HEATR5B: variants seen among roughly 807,000 people sequenced by gnomAD.
The protein encoded by HEATR5B is HEAT repeat containing 5B.
A neutral mutation model predicts 224.1 loss-of-function variants in HEATR5B; 156 were observed. The observed-to-expected ratio is 0.70, with a 90% CI of 0.61 to 0.80. HEATR5B has a LOEUF of 0.80. Among genes scored for constraint, HEATR5B ranks in the 30% least tolerant of loss-of-function variants. The probability of loss-of-function intolerance (pLI) is 0.00; values close to 1 mark genes in which losing one functional copy is unlikely to be tolerated. For synonymous variants in HEATR5B, 1,027 were observed against 893.0 expected (o/e 1.15, Z -2.68); for missense variants, 2,323 against 2,535.5 (o/e 0.92, Z 1.80).
chr2:37,015,358 C>T (rs1246271371), intron 26 of HEATR5B, among the ~76,000 whole-genome samples: 1 of 152,036 alleles, frequency 6.6e-6, no homozygotes. Context: ...TCCAGTACTT[C>T]TGTATAAGAA....
intron 24 of HEATR5B, among the ~76,000 whole-genome samples, chr2:37,022,709 T>C (rs896251985): frequency 2.0e-5 from 3 of 152,198 alleles, no homozygotes; most frequent in East Asian, 1.9e-4. Context: ...TAATAAGATA[T>C]GGAAAAGGGA....
chr2:37,078,450 A>G (rs957894155), intron 3 of HEATR5B, among the ~76,000 whole-genome samples: 2 of 152,238 alleles, frequency 1.3e-5, no homozygotes, highest in African/African-American at 4.8e-5. Context: ...AACCAGAACT[A>G]TAAAATTATG....
At chr2:37,047,122 C>T (rs534212816) in intron 18 of HEATR5B, among the ~76,000 whole-genome samples, 1 of 148,118 alleles carries the variant, frequency 6.8e-6, no homozygotes, top group Non-Finnish European at 1.5e-5. Context: ...GGTGAGAGGG[C>T]TGCTTTAGCC....
intron 18 of HEATR5B, among the ~76,000 whole-genome samples, chr2:37,046,639 CAAA>C (rs531117028): frequency 1.0e-4 from 9 of 90,294 alleles, no homozygotes; most frequent in African/African-American, 2.4e-4. Flanking sequence ...AACTCTGTCT[CAAA>C]AAAAAAAAAA....
At chr2:37,056,732 G>A in intron 15 of HEATR5B, 117 bp from the exon 16 acceptor site, 1 of 812,890 alleles carries the variant, frequency 1.2e-6, no homozygotes, top group Non-Finnish European at 1.8e-6. Flanking sequence ...AAAAAAGAAT[G>A]ATTGGATCCG....
chr2:36,992,222 CAAAAG>C (rs1213023494), intron 33 of HEATR5B, among the ~76,000 whole-genome samples: 6 of 151,296 alleles, frequency 4.0e-5, no homozygotes, highest in African/African-American at 1.5e-4. Flanking sequence ...AAAAAACAAA[CAAAAG>C]AGATGTAAAA....
intron 18 of HEATR5B, among the ~76,000 whole-genome samples, chr2:37,045,738 T>G (rs2148511293): frequency 6.6e-6 from 1 of 152,276 alleles, no homozygotes; most frequent in East Asian, 1.9e-4. Context: ...CTCCCCAAAT[T>G]GCAAATGCTC....
At chr2:37,000,554 A>C in intron 33 of HEATR5B, 32 bp downstream of exon 33, 1 of 1,561,850 alleles carries the variant, frequency 6.4e-7, no homozygotes, top group Non-Finnish European at 8.8e-7. Context: ...ACATATCCTA[A>C]CTAACTAAAA....
In HEATR5B at chr2:37,058,892, ACAT is replaced by A; in HGVS notation, c.1942_1944del (p.Met648del). 6.3e-7 allele frequency: 1 copy of A among 1,579,130 alleles called. No homozygotes were observed. Among genetic ancestry groups the A allele is most frequent in the Non-Finnish European group, 8.7e-7 (1 of 1,150,826 alleles). On this transcript the variant is annotated inframe_deletion, in exon 13 of 36. Coordinates refer to ENST00000233099, the MANE Select transcript of HEATR5B (RefSeq NM_019024.3). The stretch of plus-strand genomic sequence containing the variant: ...TTGTCTCAATCGCTTACTTACTGTG[ACAT>A]CATAGTCATGGCACATTCAATAGGG...
intron 34 of HEATR5B, among the ~76,000 whole-genome samples, chr2:36,990,105 C>G (rs944578906): frequency 6.6e-6 from 1 of 151,820 alleles, no homozygotes; most frequent in Admixed American, 6.6e-5. Flanking sequence ...GGTTTCACTA[C>G]AGGCTGGTCT....
chr2:37,072,336 T>C lies in HEATR5B; in HGVS notation c.598-55A>G, dbSNP rs149697797. 7.8e-5 allele frequency: 102 copies of C among 1,301,186 alleles called. 1 individual carries two copies. In the East Asian group the frequency reaches 2.2e-3, roughly 28 times the overall value. The allele number at this position is 1,301,186 out of a possible 1,614,324, so 80.6% of individuals were successfully genotyped here. ...ATCCTATAACATCTGCTTCCAGAGA[T>C]GGAATAGCAAGAACCAGACTTACCA... On this transcript the variant is annotated intron_variant, in intron 5 of 35. Transcript: ENST00000233099.
At chr2:37,020,384 A>G (rs958309051) in intron 25 of HEATR5B, among the ~76,000 whole-genome samples, 1 of 152,222 alleles carries the variant, frequency 6.6e-6, no homozygotes, top group African/African-American at 2.4e-5. Context: ...CTAAATATCT[A>G]AACACAAGAC....
At chr2:37,038,908 G>T (rs1007047192) in intron 20 of HEATR5B, among the ~76,000 whole-genome samples, 2 of 117,464 alleles carry the variant, frequency 1.7e-5, no homozygotes, top group Non-Finnish European at 3.6e-5. Context: ...TCCCTGGGGT[G>T]GGGGGGGTGG....
In HEATR5B at chr2:37,027,946, G is replaced by A; in HGVS notation, c.3830C>T (p.Ser1277Phe). 2 of 1,614,072 alleles carry A rather than the reference G, an allele frequency of 1.2e-6. No individual in the cohort carries two copies. Among genetic ancestry groups the A allele is most frequent in the Non-Finnish European group, 1.7e-6 (2 of 1,179,910 alleles). Reference sequence around the variant, plus strand: ...ACTTGTAGGGTTTCGAAGTTTAGCAGAACGTGCCAAGGCAAGATCAAAGTG... The same window carrying A: ...ACTTGTAGGGTTTCGAAGTTTAGCAAAACGTGCCAAGGCAAGATCAAAGTG... ...QAHFDLALAR[S>F]AKLRNPTNDL... Residue 1277 changes from serine to phenylalanine, a missense_variant, in exon 24 of 36, where the codon TCT (serine) becomes TTT (phenylalanine). Coordinates refer to ENST00000233099, the MANE Select transcript of HEATR5B (RefSeq NM_019024.3).
At chr2:37,076,529 T>C (rs997138089) in intron 4 of HEATR5B, among the ~76,000 whole-genome samples, 1 of 152,152 alleles carries the variant, frequency 6.6e-6, no homozygotes, top group Admixed American at 6.6e-5. Context: ...GCTGACACTT[T>C]ATCGCAGACC....
chr2:36,985,363 T>C (rs563101193), intron 35 of HEATR5B, among the ~76,000 whole-genome samples: 2 of 152,046 alleles, frequency 1.3e-5, no homozygotes, highest in East Asian at 1.9e-4. Flanking sequence ...TTATTCTACC[T>C]CTTAAAAGTC....
chr2:37,048,410 C>T (rs1670335622), intron 18 of HEATR5B, among the ~76,000 whole-genome samples: 1 of 152,048 alleles, frequency 6.6e-6, no homozygotes, highest in African/African-American at 2.4e-5. Flanking sequence ...ATCCAGAATT[C>T]TTGGGCTCAA....
In HEATR5B at chr2:37,019,707, T is replaced by C. The variant is rs1047684526; in HGVS notation, c.4104+102A>G. 10 of 749,592 alleles carry C rather than the reference T, an allele frequency of 1.3e-5. No individual in the cohort carries two copies. The East Asian group carries it at 2.6e-4, about 19-fold the overall frequency. 46.4% of individuals were successfully genotyped at this position (749,592 alleles called of 1,614,324 possible). On this transcript the variant is annotated intron_variant, in intron 26 of 35. Coordinates refer to ENST00000233099, the MANE Select transcript of HEATR5B (RefSeq NM_019024.3). ...CCTGAATTCAAGCGATCCTCCCATG[T>C]TGGTCTCCCAAATTTTTCTCTATTC...
chr2:37,041,801 G>A (rs544083798), intron 18 of HEATR5B, among the ~76,000 whole-genome samples: 4 of 150,952 alleles, frequency 2.6e-5, no homozygotes, highest in African/African-American at 9.7e-5. Flanking sequence ...ATATTTGACT[G>A]AATAAAGCCT....
Sources: gnomAD v4.1 joint callset for allele counts (sites outside exome capture counted in the v4.1 genomes callset) on GRCh38, gnomAD v4.1.1 for gene constraint, MANE v1.5 for transcripts, NCBI Gene and HGNC (gene_info 2026-07-23, HGNC 2026-07-21) for gene names.